Variants in CSTPP1 observed in about 807,000 individuals in gnomAD.
CSTPP1 encodes the protein centriolar satellite-associated tubulin polyglutamylase complex regulator 1.
chr11:46,936,961 G>A, the CSTPP1 span: 1 of 1,274,158 alleles, frequency 7.8e-7, no homozygotes, highest in Non-Finnish European at 1.0e-6. Flanking sequence ...GGGTGGTATG[G>A]GGAGGGGCGG....
the CSTPP1 span, among the ~76,000 whole-genome samples, chr11:46,985,162 T>C: frequency 2.6e-5 from 4 of 152,058 alleles, no homozygotes; most frequent in South Asian, 4.1e-4. Context: ...CTCATTTAGA[T>C]AGAATGAGTC....
At chr11:47,157,206 G>A in the CSTPP1 span, 52 of 1,589,670 alleles carry the variant, frequency 3.3e-5, 1 homozygote, top group Middle Eastern at 1.8e-4. Flanking sequence ...CTGTGTGATC[G>A]GCACAAGTAC....
the CSTPP1 span, among the ~76,000 whole-genome samples, chr11:47,141,882 G>C: frequency 2.3e-5 from 3 of 129,364 alleles, no homozygotes; most frequent in Non-Finnish European, 4.6e-5. Flanking sequence ...GCAGTGAGCC[G>C]AGATCATGCT....
chr11:47,088,663 C>T, the CSTPP1 span, among the ~76,000 whole-genome samples: 1 of 152,186 alleles, frequency 6.6e-6, no homozygotes, highest in Admixed American at 6.5e-5. Flanking sequence ...TCTCCTGCCT[C>T]AGCCTCCCAA....
the CSTPP1 span, chr11:47,162,196 T>A: frequency 1.0e-6 from 1 of 985,450 alleles, no homozygotes; most frequent in African/African-American, 1.7e-5. Context: ...CCTTTGTGTC[T>A]AATAGCTAAA....
the CSTPP1 span, among the ~76,000 whole-genome samples, chr11:47,093,624 C>G: frequency 3.3e-5 from 5 of 152,146 alleles, no homozygotes; most frequent in Non-Finnish European, 7.4e-5. Flanking sequence ...GGTTTTTGAG[C>G]CACCAGACAT....
At chr11:47,042,043 A>T in the CSTPP1 span, 93 of 173,536 alleles carry the variant, frequency 5.4e-4, 8 homozygotes, top group South Asian at 3.3e-3. Flanking sequence ...ACAAAAAAAA[A>T]TTTTTTTAAA....
At chr11:47,157,988 T>C in the CSTPP1 span, 6 of 1,413,052 alleles carry the variant, frequency 4.2e-6, no homozygotes, top group South Asian at 5.8e-5. Flanking sequence ...CTGGCCTCTG[T>C]TAGCAACACG....
the CSTPP1 span, chr11:47,161,392 G>T: frequency 6.3e-7 from 1 of 1,599,984 alleles, no homozygotes; most frequent in South Asian, 1.1e-5. Context: ...CTAGTGTTAA[G>T]AGTGGGCATG....
At chr11:47,016,412 A>AAAAAAAAAAAAAC in the CSTPP1 span, among the ~76,000 whole-genome samples, 1 of 141,616 alleles carries the variant, frequency 7.1e-6, no homozygotes, top group African/African-American at 2.9e-5. Flanking sequence ...AACAAAAAAC[A>AAAAAAAAAAAAAC]AAAAAAAAAC....
At chr11:47,155,452 C>G in the CSTPP1 span, 1 of 617,308 alleles carries the variant, frequency 1.6e-6, no homozygotes, top group Non-Finnish European at 2.9e-6. Flanking sequence ...TCTGCAGAGC[C>G]GACTTCCTCA....
the CSTPP1 span, among the ~76,000 whole-genome samples, chr11:47,159,048 G>C: frequency 6.6e-6 from 1 of 152,214 alleles, no homozygotes; most frequent in Non-Finnish European, 1.5e-5. Flanking sequence ...ACAATATACA[G>C]TTAGCCAGGG....
chr11:47,017,734 C>A, the CSTPP1 span, among the ~76,000 whole-genome samples: 6 of 148,946 alleles, frequency 4.0e-5, no homozygotes, highest in African/African-American at 7.4e-5. Context: ...GTGGCACGAT[C>A]TTGGCTCACT....
the CSTPP1 span, among the ~76,000 whole-genome samples, chr11:47,077,231 C>A: frequency 6.9e-6 from 1 of 144,698 alleles, no homozygotes; most frequent in Non-Finnish European, 1.5e-5. Context: ...CAGAGTCTTG[C>A]TCTTGTCGCC....
the CSTPP1 span, among the ~76,000 whole-genome samples, chr11:47,070,396 C>A: frequency 6.6e-6 from 1 of 152,140 alleles, no homozygotes; most frequent in Non-Finnish European, 1.5e-5. Context: ...CCGCCTGACC[C>A]TAATTTAGAA....
At chr11:47,140,960 G>A in the CSTPP1 span, among the ~76,000 whole-genome samples, 1 of 151,998 alleles carries the variant, frequency 6.6e-6, no homozygotes, top group Non-Finnish European at 1.5e-5. Flanking sequence ...AATTAGCCGG[G>A]CGTGTTGGCG....
chr11:47,052,521 A>C, the CSTPP1 span: 1 of 1,612,096 alleles, frequency 6.2e-7, no homozygotes, highest in Non-Finnish European at 8.5e-7. Context: ...AAATGGCGGT[A>C]AGTCTTCCCA....
chr11:47,155,953 T>G, the CSTPP1 span: 1 of 152,232 alleles, frequency 6.6e-6, no homozygotes, highest in Non-Finnish European at 1.5e-5. Context: ...ATACACCAGC[T>G]CACGCACAGA....
chr11:47,154,934 C>T, the CSTPP1 span: 2 of 564,576 alleles, frequency 3.5e-6, no homozygotes, highest in East Asian at 2.8e-5. Flanking sequence ...GCTCTGGGTA[C>T]AGTGTGGTCA....
Sources: gnomAD v4.1 joint callset for allele counts (sites outside exome capture counted in the v4.1 genomes callset) on GRCh38, gnomAD v4.1.1 for gene constraint, MANE v1.5 for transcripts, NCBI Gene and HGNC (gene_info 2026-07-23, HGNC 2026-07-21) for gene names.